The following CABCOCO1 variants were observed in gnomAD, a reference collection of about 807,000 sequenced individuals.
The protein encoded by CABCOCO1 is ciliary associated calcium binding coiled-coil 1.
Under a neutral mutation model 35.7 loss-of-function variants are expected in CABCOCO1, and 28 were observed. The observed-to-expected ratio is 0.78, with a 90% CI of 0.58 to 1.07. The LOEUF (loss-of-function observed/expected upper bound fraction) is 1.07. Ranked by LOEUF, CABCOCO1 falls within the 50% of genes least tolerant of loss-of-function variation. The probability of loss-of-function intolerance (pLI) is 0.00; values close to 1 mark genes in which losing one functional copy is unlikely to be tolerated. For missense variants in CABCOCO1, 326 were observed against 309.2 expected, an observed-to-expected ratio of 1.05 and a Z score of -0.41; for synonymous variants, 95 against 100.1, an observed-to-expected ratio of 0.95 and a Z score of 0.30.
chr10:61,690,214 T>C (rs1303576675), intron 4 of CABCOCO1, among the ~76,000 whole-genome samples: 1 of 152,140 alleles, frequency 6.6e-6, no homozygotes, highest in African/African-American at 2.4e-5. Context: ...TTTCATGTTA[T>C]TTAGTAATGG....
At chr10:61,762,668 T>A (rs1842031581) in intron 7 of CABCOCO1, among the ~76,000 whole-genome samples, 1 of 152,046 alleles carries the variant, frequency 6.6e-6, no homozygotes, top group Non-Finnish European at 1.5e-5. Context: ...CTTCCCCTGA[T>A]AAATTGAAAA....
chr10:61,739,770 G>A (rs1362289268), intron 5 of CABCOCO1, among the ~76,000 whole-genome samples: 3 of 152,084 alleles, frequency 2.0e-5, no homozygotes, highest in African/African-American at 7.2e-5. Context: ...GTGAAACCCT[G>A]TCTCTACTAA....
chr10:61,738,823 A>T (rs1392322279), intron 5 of CABCOCO1, among the ~76,000 whole-genome samples: 2 of 152,204 alleles, frequency 1.3e-5, no homozygotes, highest in Non-Finnish European at 2.9e-5. Flanking sequence ...ACTAATAGTA[A>T]ATTTTGGTCT....
intron 5 of CABCOCO1, among the ~76,000 whole-genome samples, chr10:61,705,828 G>A (rs1327667378): frequency 6.6e-6 from 1 of 152,054 alleles, no homozygotes; most frequent in Non-Finnish European, 1.5e-5. Flanking sequence ...AACCATAGAG[G>A]GTGAGCACCT....
intron 4 of CABCOCO1, among the ~76,000 whole-genome samples, chr10:61,687,211 G>T (rs954786097): frequency 6.6e-6 from 1 of 152,162 alleles, no homozygotes; most frequent in East Asian, 1.9e-4. Flanking sequence ...AAACAATGTG[G>T]TTTCTTAATA....
At chr10:61,698,365 A>G (rs1038687431) in intron 5 of CABCOCO1, among the ~76,000 whole-genome samples, 12 of 152,136 alleles carry the variant, frequency 7.9e-5, no homozygotes, top group Non-Finnish European at 1.5e-4. Context: ...CCATGTGTTT[A>G]ATGGAGTTGT....
chr10:61,738,406 G>A (rs954722365), intron 5 of CABCOCO1, among the ~76,000 whole-genome samples: 3 of 152,110 alleles, frequency 2.0e-5, no homozygotes, highest in African/African-American at 7.2e-5. Context: ...TCAGGTCAAA[G>A]CTGCTGGAAT....
At chr10:61,748,068 T>C (rs1021900540) in intron 5 of CABCOCO1, among the ~76,000 whole-genome samples, 4 of 151,908 alleles carry the variant, frequency 2.6e-5, no homozygotes, top group African/African-American at 4.8e-5. Flanking sequence ...AGGATGAATA[T>C]GGAAAAGCCA....
At chr10:61,679,281 T>TTATATC (rs750117600) in intron 2 of CABCOCO1, among the ~76,000 whole-genome samples, 14,731 of 140,812 alleles carry the variant, frequency 0.1, 957 homozygotes, top group East Asian at 0.28. Context: ...TAGAATGAGC[T>TTATATC]TATATCTATA....
intron 1 of CABCOCO1, among the ~76,000 whole-genome samples, chr10:61,667,643 C>T (rs1241253507): frequency 1.3e-5 from 2 of 151,808 alleles, no homozygotes; most frequent in Non-Finnish European, 2.9e-5. Flanking sequence ...AAGTATAATT[C>T]AATCAAGTTT....
At chr10:61,665,704 G>C (rs1362166955) in intron 1 of CABCOCO1, among the ~76,000 whole-genome samples, 2 of 151,692 alleles carry the variant, frequency 1.3e-5, no homozygotes, top group African/African-American at 4.8e-5. Context: ...TGGCTAACAC[G>C]GTGAAACCCC....
rs139121669 is a variant in CABCOCO1 at position 61,765,092 on chromosome 10, A to G, written c.817-847A>G. 6.3e-3 allele frequency among the ~76,000 whole-genome samples: 957 copies of G among 152,302 alleles called. 13 individuals carry two copies. Among genetic ancestry groups the G allele is most frequent in the Non-Finnish European group, 5.4e-3 (366 of 68,020 alleles). On this transcript the variant is annotated intron_variant, in intron 7 of 7. Coordinates refer to ENST00000648843, the MANE Select transcript of CABCOCO1 (RefSeq NM_001366906.2). ...TATTAGAAATCCAAACTTTGAATTT[A>G]TTAACACATATGTGTATAAGCTACT...
intron 3 of CABCOCO1, among the ~76,000 whole-genome samples, chr10:61,683,071 A>G (rs1460104755): frequency 6.6e-6 from 1 of 151,760 alleles, no homozygotes; most frequent in Non-Finnish European, 1.5e-5. Context: ...TTGTATTTTT[A>G]GTACAGACGG....
chr10:61,667,853 ATATT>A (rs532747908), intron 1 of CABCOCO1, among the ~76,000 whole-genome samples: 62 of 152,028 alleles, frequency 4.1e-4, no homozygotes, highest in African/African-American at 1.4e-3. Context: ...TTTAAGTTAC[ATATT>A]TAGTTTTCTT....
intron 5 of CABCOCO1, among the ~76,000 whole-genome samples, chr10:61,734,074 CT>C (rs1285564263): frequency 6.6e-6 from 1 of 151,876 alleles, no homozygotes; most frequent in East Asian, 1.9e-4. Flanking sequence ...AAGAGTTAAC[CT>C]TTTTTTCTGA....
chr10:61,766,089 G>A lies in CABCOCO1; in HGVS notation c.*76G>A, dbSNP rs139238360. 1.1e-4 allele frequency: 150 copies of A among 1,314,020 alleles called. No individual in the cohort carries two copies. The African/African-American group carries it at 1.9e-3, about 17-fold the overall frequency. The allele number at this position is 1,314,020 out of a possible 1,614,324, so 81.4% of individuals were successfully genotyped here. ...CAGCCAGAATAACAGACTCTCTGGA[G>A]CGTCGTGTCTCCATCACTTAGTTGT... On this transcript the variant is annotated 3_prime_UTR_variant, in exon 8 of 8. Coordinates refer to ENST00000648843, the MANE Select transcript of CABCOCO1 (RefSeq NM_001366906.2).
At chr10:61,761,075 T>C (rs1841999737) in intron 7 of CABCOCO1, 72 bp downstream of exon 7, 1 of 1,499,720 alleles carries the variant, frequency 6.7e-7, no homozygotes, top group Non-Finnish European at 9.2e-7. Context: ...TTAATGTCTA[T>C]AAACACTCCC....
chr10:61,759,668 A>G (rs1481407225), intron 5 of CABCOCO1, among the ~76,000 whole-genome samples: 1 of 151,988 alleles, frequency 6.6e-6, no homozygotes, highest in African/African-American at 2.4e-5. Context: ...TCAGGATGAC[A>G]TTAAGTGTAT....
intron 2 of CABCOCO1, 31 bp from the exon 3 acceptor site, chr10:61,681,112 T>G: frequency 7.6e-7 from 1 of 1,323,154 alleles, no homozygotes; most frequent in Non-Finnish European, 1.0e-6. Context: ...CTAATCTGAA[T>G]TAATATGTGG....
Sources: allele counts gnomAD v4.1 joint callset (sites outside exome capture counted in the v4.1 genomes callset), GRCh38; gene constraint gnomAD v4.1.1; transcripts MANE v1.5; gene names NCBI Gene and HGNC (gene_info 2026-07-23, HGNC 2026-07-21).